ADGRL3: variants seen among roughly 807,000 people sequenced by gnomAD.
ADGRL3 encodes the protein calcium-independent alpha-latrotoxin receptor 3.
A neutral mutation model predicts 153.5 loss-of-function variants in ADGRL3; 62 were observed. That is an observed-to-expected ratio of 0.40 (90% CI 0.33 to 0.50). The LOEUF is 0.50. Among genes scored for constraint, ADGRL3 ranks in the 20% least tolerant of loss-of-function variants. The probability of loss-of-function intolerance (pLI) is 0.47; values close to 1 mark genes in which losing one functional copy is unlikely to be tolerated. For synonymous variants in ADGRL3, 710 were observed against 672.5 expected, an observed-to-expected ratio of 1.06 and a Z score of -0.86; for missense variants, 1,641 against 1,859.4, an observed-to-expected ratio of 0.88 and a Z score of 2.16.
At chr4:62,048,097 G>T (rs1732102616) in intron 25 of ADGRL3, among the ~76,000 whole-genome samples, 1 of 152,114 alleles carries the variant, frequency 6.6e-6, no homozygotes, top group African/African-American at 2.4e-5. Context: ...TCCCAGGGCT[G>T]TTGGAAATCT....
At chr4:62,036,024 A>T (rs1724792944) in intron 23 of ADGRL3, among the ~76,000 whole-genome samples, 1 of 152,070 alleles carries the variant, frequency 6.6e-6, no homozygotes, top group Non-Finnish European at 1.5e-5. Context: ...CTACAGCTCG[A>T]TTTCTTTTTT....
intron 4 of ADGRL3, among the ~76,000 whole-genome samples, chr4:61,539,092 A>G (rs1415551606): frequency 6.6e-6 from 1 of 152,178 alleles, no homozygotes. Flanking sequence ...CCCCTAGTCC[A>G]GAACTGACAG....
At chr4:61,924,640 C>A (rs2098786571) in intron 13 of ADGRL3, among the ~76,000 whole-genome samples, 1 of 152,296 alleles carries the variant, frequency 6.6e-6, no homozygotes, top group African/African-American at 2.4e-5. Flanking sequence ...TTACTCCAAA[C>A]ACATGCCGTT....
intron 6 of ADGRL3, among the ~76,000 whole-genome samples, chr4:61,729,262 A>C (rs1168968583): frequency 6.6e-6 from 1 of 151,966 alleles, no homozygotes. Context: ...TGAAGGATCT[A>C]AAATTTGATA....
At chr4:61,251,478 A>G (rs1046550359) in intron 1 of ADGRL3, among the ~76,000 whole-genome samples, 2 of 152,170 alleles carry the variant, frequency 1.3e-5, no homozygotes, top group African/African-American at 2.4e-5. Flanking sequence ...GCCACATTCT[A>G]TTAGTTGAAG....
At chr4:62,044,627 A>G (rs1730131070) in intron 25 of ADGRL3, 78 bp downstream of exon 25, 2 of 939,666 alleles carry the variant, frequency 2.1e-6, no homozygotes, top group Non-Finnish European at 3.3e-6. Flanking sequence ...CTTTATTTGC[A>G]ACTTCTGAAC....
intron 1 of ADGRL3, among the ~76,000 whole-genome samples, chr4:61,328,873 A>G (rs1037613577): frequency 4.6e-5 from 7 of 152,114 alleles, no homozygotes; most frequent in African/African-American, 1.7e-4. Flanking sequence ...CCTCAAGCTG[A>G]AAATTGATCT....
At chr4:61,298,154 T>C (rs1487302168) in intron 1 of ADGRL3, among the ~76,000 whole-genome samples, 1 of 152,202 alleles carries the variant, frequency 6.6e-6, no homozygotes, top group Non-Finnish European at 1.5e-5. Context: ...GAGTATGTTT[T>C]AATTATCAAA....
At chr4:61,935,821 A>G (rs1015311343) in intron 14 of ADGRL3, 102 bp from the exon 15 acceptor site, 37 of 1,012,386 alleles carry the variant, frequency 3.7e-5, no homozygotes, top group African/African-American at 8.3e-5. Context: ...ATAGAATAAG[A>G]ATTCCAGTAT....
chr4:61,609,503 A>G (rs991729718), intron 5 of ADGRL3, among the ~76,000 whole-genome samples: 11 of 152,116 alleles, frequency 7.2e-5, no homozygotes, highest in African/African-American at 2.4e-4. Context: ...AAAGGAGTAA[A>G]CATGGTTCAT....
intron 5 of ADGRL3, among the ~76,000 whole-genome samples, chr4:61,646,746 C>A (rs1235316381): frequency 6.6e-6 from 1 of 152,146 alleles, no homozygotes; most frequent in African/African-American, 2.4e-5. Context: ...CTGTGCCCTG[C>A]CCCCAGAGGT....
At chr4:61,370,976 A>G (rs2096512847) in intron 1 of ADGRL3, among the ~76,000 whole-genome samples, 1 of 150,794 alleles carries the variant, frequency 6.6e-6, no homozygotes, top group Non-Finnish European at 1.5e-5. Context: ...TCCCTTTACC[A>G]TTATGTAATG....
At chr4:61,636,786 A>G (rs1437466003) in intron 5 of ADGRL3, among the ~76,000 whole-genome samples, 2 of 151,020 alleles carry the variant, frequency 1.3e-5, no homozygotes, top group African/African-American at 4.8e-5. Context: ...GCAAATACAT[A>G]TAGGATGTAT....
chr4:61,972,882 T>C (rs557268236), intron 17 of ADGRL3, among the ~76,000 whole-genome samples: 35 of 152,102 alleles, frequency 2.3e-4, no homozygotes, highest in Non-Finnish European at 4.1e-4. Flanking sequence ...ATTAAAATAA[T>C]GCATTATTGT....
chr4:61,861,167 G>A (rs1461453579), intron 9 of ADGRL3, among the ~76,000 whole-genome samples: 1 of 152,196 alleles, frequency 6.6e-6, no homozygotes, highest in Non-Finnish European at 1.5e-5. Context: ...AAAGCTGAGA[G>A]TAGGGGTGTA....
chr4:61,443,857 A>G (rs1404863434), intron 2 of ADGRL3, among the ~76,000 whole-genome samples: 2 of 152,216 alleles, frequency 1.3e-5, no homozygotes, highest in Non-Finnish European at 1.5e-5. Flanking sequence ...TGAAATTTAT[A>G]TCAAAAATTT....
chr4:61,320,943 A>C (rs2095342497), intron 1 of ADGRL3, among the ~76,000 whole-genome samples: 2 of 152,136 alleles, frequency 1.3e-5, no homozygotes, highest in Non-Finnish European at 2.9e-5. Flanking sequence ...TTCAGCTGCT[A>C]GAGTCTGCCT....
At chr4:61,370,546 G>C (rs2096499951) in intron 1 of ADGRL3, among the ~76,000 whole-genome samples, 1 of 152,182 alleles carries the variant, frequency 6.6e-6, no homozygotes, top group Admixed American at 6.5e-5. Context: ...GGTTTTGAGT[G>C]AGGTTCTTAA....
At chr4:61,417,706 T>TC (rs971442162) in intron 2 of ADGRL3, among the ~76,000 whole-genome samples, 13 of 2,318 alleles carry the variant, frequency 5.6e-3, no homozygotes, top group African/African-American at 5.9e-3. Flanking sequence ...CCAAATGACT[T>TC]TTTTTTTTTC....
Sources: gnomAD v4.1 joint callset for allele counts (sites outside exome capture counted in the v4.1 genomes callset) on GRCh38, gnomAD v4.1.1 for gene constraint, MANE v1.5 for transcripts, NCBI Gene and HGNC (gene_info 2026-07-23, HGNC 2026-07-21) for gene names.